The following LARGE1 variants were observed in gnomAD, a reference collection of about 807,000 sequenced individuals.
LARGE1 encodes LARGE xylosyl- and glucuronyltransferase 1, also known as xylosyl- and glucuronyltransferase LARGE1.
Under a neutral mutation model 87.6 loss-of-function variants are expected in LARGE1, and 43 were observed. The ratio of observed to expected loss-of-function variants is 0.49; its 90% CI spans 0.38 to 0.63. LARGE1 has a LOEUF of 0.63. Among genes scored for constraint, LARGE1 ranks in the 30% least tolerant of loss-of-function variants. The pLI, the probability that LARGE1 is intolerant of heterozygous loss-of-function variation, is 0.00. For synonymous variants in LARGE1, 434 were observed against 394.6 expected (o/e 1.10, Z -1.18); for missense variants, 802 against 1,000.2 (o/e 0.80, Z 2.67).
intron 1 of LARGE1, among the ~76,000 whole-genome samples, chr22:33,877,741 G>T (rs1206612545): frequency 2.0e-5 from 3 of 151,886 alleles, no homozygotes; most frequent in Non-Finnish European, 4.4e-5. Context: ...TGGCCAACAT[G>T]GTGAAACCGT....
At chr22:33,747,396 C>T (rs927932394) in intron 2 of LARGE1, among the ~76,000 whole-genome samples, 2 of 152,078 alleles carry the variant, frequency 1.3e-5, no homozygotes, top group Non-Finnish European at 2.9e-5. Context: ...TCCTCCTTGG[C>T]ATCCTACAAA....
intron 9 of LARGE1, among the ~76,000 whole-genome samples, chr22:33,369,083 A>G (rs780153723): frequency 6.6e-6 from 1 of 152,200 alleles, no homozygotes; most frequent in Non-Finnish European, 1.5e-5. Flanking sequence ...CTCTGTAGCA[A>G]TTGATGCAGT....
intron 6 of LARGE1, among the ~76,000 whole-genome samples, chr22:33,497,275 T>C (rs2070183237): frequency 1.3e-5 from 2 of 152,092 alleles, no homozygotes; most frequent in African/African-American, 4.8e-5. Context: ...AGGGTTTCAC[T>C]AAGTTGGCAA....
At chr22:33,693,455 G>A (rs1056137181) in intron 2 of LARGE1, among the ~76,000 whole-genome samples, 1 of 151,978 alleles carries the variant, frequency 6.6e-6, no homozygotes, top group Non-Finnish European at 1.5e-5. Context: ...GAAGGGAGAT[G>A]TTAGGAAAGA....
rs143597856 is a variant in LARGE1 at position 33,451,436 on chromosome 22, C to T, written c.788-19171G>A. Among the ~76,000 whole-genome samples, 456 of 152,012 alleles carry T rather than the reference C, an allele frequency of 3.0e-3. 2 individuals are homozygous for T. Among genetic ancestry groups the T allele is most frequent in the South Asian group, 0.018 (87 of 4,794 alleles). ...GAATAAGTTCTTTAGCGGTGACTTCCGAGATTTTGGTGCACCCATCACCCG... is the reference window on the plus strand; with the variant it reads ...GAATAAGTTCTTTAGCGGTGACTTCTGAGATTTTGGTGCACCCATCACCCG... On this transcript the variant is annotated intron_variant, in intron 6 of 14. Coordinates refer to ENST00000397394, the MANE Select transcript of LARGE1 (RefSeq NM_133642.5).
intron 6 of LARGE1, among the ~76,000 whole-genome samples, chr22:33,446,815 C>T (rs925254677): frequency 6.6e-6 from 1 of 152,192 alleles, no homozygotes; most frequent in African/African-American, 2.4e-5. Flanking sequence ...TGCACAGAGG[C>T]AACGTGAACA....
At chr22:33,136,383 A>G in the LARGE1 span, among the ~76,000 whole-genome samples, 8 of 152,192 alleles carry the variant, frequency 5.3e-5, no homozygotes, top group East Asian at 1.5e-3. Context: ...TCCTCTTATA[A>G]AACCATCAGA....
intron 6 of LARGE1, among the ~76,000 whole-genome samples, chr22:33,442,695 T>TC (rs1445301950): frequency 6.6e-6 from 1 of 152,124 alleles, no homozygotes; most frequent in Non-Finnish European, 1.5e-5. Flanking sequence ...ACTTGTGCTG[T>TC]CCATATGTGT....
At chr22:33,362,030 A>G (rs2064406481) in intron 9 of LARGE1, among the ~76,000 whole-genome samples, 1 of 149,338 alleles carries the variant, frequency 6.7e-6, no homozygotes, top group South Asian at 2.2e-4. Context: ...ACTAGAGCAA[A>G]GTTTCACAGA....
chr22:33,305,455 A>G (rs534422515), intron 11 of LARGE1: 29 of 284,718 alleles, frequency 1.0e-4, no homozygotes, highest in African/African-American at 5.7e-4. Flanking sequence ...TTTTCTTTCA[A>G]AGGCGTTAGA....
At chr22:33,248,596 G>C (rs1015737361) in intron 11 of LARGE1, among the ~76,000 whole-genome samples, 3 of 152,238 alleles carry the variant, frequency 2.0e-5, no homozygotes, top group Admixed American at 1.3e-4. Context: ...GCATAGTTTA[G>C]AGTTTACTCT....
chr22:33,171,760 C>T lies in LARGE1; in HGVS notation c.1731-4928G>A, dbSNP rs115821653. Among the ~76,000 whole-genome samples the T allele has an allele frequency of 3.0e-3, 456 of 152,300 alleles. 1 individual carries two copies. Among genetic ancestry groups the T allele is most frequent in the African/African-American group, 0.01 (427 of 41,570 alleles). On this transcript the variant is annotated intron_variant, in intron 11 of 11. Coordinates refer to the LARGE1 transcript ENST00000608642. ...AAATGCCTGGATATCCAGGCAGAAG[C>T]TGGCTGCAAGGGTAGAGCCCTCATG...
chr22:33,652,258 ATGG>A (rs1477059082), intron 2 of LARGE1, among the ~76,000 whole-genome samples: 1 of 152,110 alleles, frequency 6.6e-6, no homozygotes, highest in Non-Finnish European at 1.5e-5. Flanking sequence ...TGCCACCACA[ATGG>A]TGATGTCAGA....
chr22:33,095,784 G>C, the LARGE1 span, among the ~76,000 whole-genome samples: 1 of 152,154 alleles, frequency 6.6e-6, no homozygotes, highest in South Asian at 2.1e-4. Context: ...TTCAACCATC[G>C]TTTCCTCCCC....
In LARGE1 at chr22:33,705,997, T is replaced by C. The variant is rs144266048; in HGVS notation, c.107-55329A>G. Among the ~76,000 whole-genome samples, 97 of 152,292 alleles carry C rather than the reference T, an allele frequency of 6.4e-4. 1 individual carries two copies. The highest frequency in any genetic ancestry group is 2.1e-3 in the African/African-American group (88 of 41,572). On this transcript the variant is annotated intron_variant, in intron 2 of 14. Transcript: ENST00000397394. ...AAACATCACCCAAGAGTCCCACAGATGATAAATGGAAAACACATCCATCAA... is the reference window on the plus strand; with the variant it reads ...AAACATCACCCAAGAGTCCCACAGACGATAAATGGAAAACACATCCATCAA...
chr22:33,197,498 A>C (rs1404038018), intron 11 of LARGE1, among the ~76,000 whole-genome samples: 4 of 152,168 alleles, frequency 2.6e-5, no homozygotes, highest in African/African-American at 7.2e-5. Flanking sequence ...GAAATAAAAA[A>C]ATGGTAAATG....
In LARGE1 at chr22:33,320,671, T is replaced by C. The variant is rs185391338; in HGVS notation, c.1288-4423A>G. Among the ~76,000 whole-genome samples, 9 of 152,308 alleles carry C rather than the reference T, an allele frequency of 5.9e-5. No homozygotes were observed. The East Asian group carries it at 1.7e-3, about 29-fold the overall frequency. ...TAAGACTATCCTTTCAATTTTCCTT[T>C]TGTGTCCTCTAATTATATGCACAGA... is the stretch of plus-strand genomic sequence containing the variant. On this transcript the variant is annotated intron_variant, in intron 10 of 14. Transcript: ENST00000397394.
intron 7 of LARGE1, among the ~76,000 whole-genome samples, chr22:33,407,777 T>C (rs2066153436): frequency 6.6e-6 from 1 of 152,178 alleles, no homozygotes; most frequent in South Asian, 2.1e-4. Context: ...AATAAGTATG[T>C]ATCTTTGGCT....
chr22:33,721,369 A>G (rs74649057), intron 2 of LARGE1, among the ~76,000 whole-genome samples: 3,689 of 152,348 alleles, frequency 0.024, 65 homozygotes, highest in Non-Finnish European at 0.036. Flanking sequence ...CAGGTGTATT[A>G]TGACGATTAG....
Sources: gnomAD v4.1 joint callset for allele counts (sites outside exome capture counted in the v4.1 genomes callset) on GRCh38, gnomAD v4.1.1 for gene constraint, MANE v1.5 for transcripts, NCBI Gene and HGNC (gene_info 2026-07-23, HGNC 2026-07-21) for gene names.